PCID2: variants seen among roughly 807,000 people sequenced by gnomAD.
PCID2 encodes the protein PCI domain-containing protein 2.
Under a neutral mutation model 61.3 loss-of-function variants are expected in PCID2, and 41 were observed. That is an observed-to-expected ratio of 0.67 (90% CI 0.52 to 0.87). The LOEUF is 0.87. Ranked by LOEUF, PCID2 falls within the 40% of genes least tolerant of loss-of-function variation. The pLI, the probability that PCID2 is intolerant of heterozygous loss-of-function variation, is 0.00. For missense variants in PCID2, 392 were observed against 493.4 expected (o/e 0.79, Z 1.95); for synonymous variants, 187 against 177.8 (o/e 1.05, Z -0.41).
chr13:113,176,056 A>C (rs1262985028), downstream of PCID2, among the ~76,000 whole-genome samples: 1 of 152,274 alleles, frequency 6.6e-6, no homozygotes, highest in Non-Finnish European at 1.5e-5. Flanking sequence ...CTGCAGATGT[A>C]GGAGCGAGCT....
chr13:113,201,676 G>A (rs2138931402), intron 1 of PCID2, among the ~76,000 whole-genome samples: 1 of 152,074 alleles, frequency 6.6e-6, no homozygotes, highest in South Asian at 2.1e-4. Context: ...GCCGGGTGTG[G>A]TGGTGGGCAT....
the PCID2 span, chr13:113,171,462 C>A: frequency 9.1e-7 from 1 of 1,093,110 alleles, no homozygotes; most frequent in Non-Finnish European, 1.3e-6. This position sits in a 1 kb window ranked among gnomAD's most constrained non-coding sequence, Gnocchi z 5.1. Context: ...GTCCACACCA[C>A]GGGGCGGTGA....
rs1017612788 is a variant in PCID2 at position 113,179,822 on chromosome 13, C to T, written c.986+95G>A. 1.6e-5 allele frequency: 20 copies of T among 1,255,290 alleles called. No individual in the cohort carries two copies. In the East Asian group the frequency reaches 3.3e-4, roughly 21 times the overall value. The allele number at this position is 1,255,290 out of a possible 1,614,324, so 77.8% of individuals were successfully genotyped here. ...AAGGAAGATAACGACCCCACCCACA[C>T]GGTGGCCTTCTCTCTTAGACTGCAA... On this transcript the variant is annotated intron_variant, in intron 12 of 13. Coordinates refer to ENST00000337344, the MANE Select transcript of PCID2 (RefSeq NM_001127202.4). This position sits in a 1 kb window ranked among gnomAD's most constrained non-coding sequence, Gnocchi z 4.3.
chr13:113,184,524 A>C, intron 8 of PCID2, 37 bp from the exon 9 acceptor site: 1 of 1,306,162 alleles, frequency 7.7e-7, no homozygotes, highest in Non-Finnish European at 1.1e-6. Flanking sequence ...ATATTTAAAA[A>C]CAACAAAAAC....
chr13:113,178,507 G>C, intron 13 of PCID2: 1 of 476,588 alleles, frequency 2.1e-6, no homozygotes, highest in Non-Finnish European at 3.8e-6. Flanking sequence ...GAAAATATTT[G>C]GGGAAAAAAA....
At chr13:113,171,559 G>A in the PCID2 span, 38 of 1,613,572 alleles carry the variant, frequency 2.4e-5, 1 homozygote, top group South Asian at 3.3e-4. The surrounding 1 kb of genome is among the most constrained non-coding windows in gnomAD (Gnocchi z 5.1). Context: ...TTGAAAATCA[G>A]ACTGTAAAGA....
chr13:113,200,243 T>G (rs562661261), intron 2 of PCID2, among the ~76,000 whole-genome samples, 184 bp downstream of exon 2: 2 of 152,356 alleles, frequency 1.3e-5, no homozygotes, highest in South Asian at 2.1e-4. Context: ...ATCACCACAG[T>G]GTGCGTACAT....
the PCID2 span, chr13:113,165,987 T>C: frequency 6.6e-6 from 1 of 152,336 alleles, no homozygotes; most frequent in African/African-American, 2.4e-5. Flanking sequence ...CTTTTCTTGC[T>C]TTCTGTATAT....
the PCID2 span, among the ~76,000 whole-genome samples, chr13:113,170,065 G>A: frequency 2.6e-5 from 4 of 152,158 alleles, no homozygotes; most frequent in Non-Finnish European, 4.4e-5. Flanking sequence ...AGCTGAGACC[G>A]TTGTTTCTTG....
chr13:113,179,218 C>G lies in PCID2; in HGVS notation c.987-129G>C. The stretch of plus-strand genomic sequence containing the variant: ...AAAATTCCCACCTATTAGATAAACT[C>G]TAAACTACACTCTCAGAGCTATTAA... On this transcript the variant is annotated intron_variant, in intron 12 of 13. Coordinates refer to ENST00000337344, the MANE Select transcript of PCID2 (RefSeq NM_001127202.4). This position sits in a 1 kb window ranked among gnomAD's most constrained non-coding sequence, Gnocchi z 4.3. 2 of 612,202 alleles carry G rather than the reference C, an allele frequency of 3.3e-6. No individual in the cohort carries two copies. The highest frequency in any genetic ancestry group is 5.5e-6 in the Non-Finnish European group (2 of 363,464). The allele number at this position is 612,202 out of a possible 1,614,324, so 37.9% of individuals were successfully genotyped here.
downstream of PCID2, among the ~76,000 whole-genome samples, chr13:113,172,653 A>C (rs942068209): frequency 1.3e-5 from 2 of 152,208 alleles, no homozygotes; most frequent in Non-Finnish European, 2.9e-5. Context: ...GCATTAGAGG[A>C]AAGGGCCAGA....
intron 1 of PCID2, among the ~76,000 whole-genome samples, chr13:113,206,316 T>C (rs2039813136): frequency 6.6e-6 from 1 of 152,230 alleles, no homozygotes; most frequent in South Asian, 2.1e-4. Flanking sequence ...TCTTATTGTC[T>C]TTAAAGTCTA....
chr13:113,165,806 C>T, the PCID2 span, among the ~76,000 whole-genome samples: 4 of 152,216 alleles, frequency 2.6e-5, no homozygotes, highest in African/African-American at 2.4e-5. Flanking sequence ...GCTGGGATTA[C>T]AGGCGTGAGC....
the PCID2 span, chr13:113,165,143 C>T: frequency 6.2e-7 from 1 of 1,601,168 alleles, no homozygotes; most frequent in South Asian, 1.1e-5. Flanking sequence ...TCTCCGCGTG[C>T]TTCAATTTAT....
the PCID2 span, chr13:113,165,333 C>T: frequency 1.6e-6 from 1 of 642,502 alleles, no homozygotes; most frequent in African/African-American, 1.8e-5. Context: ...TTACAGCCCC[C>T]AAGACCTTTC....
rs781497538 is a variant in PCID2, at chr13:113,197,160, A to G, written c.266+18T>C. The G allele has an allele frequency of 6.2e-7, 1 of 1,614,192 alleles. No individual in the cohort carries two copies. The highest frequency in any genetic ancestry group is 8.5e-7 in the Non-Finnish European group (1 of 1,179,988). ...ATGTGTTCTATGCGGGACAGCTGCC[A>G]TGAACGACAAAGGATATTGGACTAT... On this transcript the variant is annotated intron_variant, in intron 4 of 13. Coordinates refer to ENST00000337344, the MANE Select transcript of PCID2 (RefSeq NM_001127202.4).
chr13:113,205,774 G>T (rs191662925), intron 1 of PCID2, among the ~76,000 whole-genome samples: 1 of 152,216 alleles, frequency 6.6e-6, no homozygotes, highest in Non-Finnish European at 1.5e-5. Flanking sequence ...AATCCATACA[G>T]ACAGAGAGCA....
chr13:113,173,002 T>C (rs1050069806), downstream of PCID2, among the ~76,000 whole-genome samples: 1 of 151,800 alleles, frequency 6.6e-6, no homozygotes, highest in African/African-American at 2.4e-5. Flanking sequence ...CCTTGGGAGG[T>C]GACTAGGCCA....
chr13:113,197,824 T>C (rs373648128), intron 3 of PCID2, among the ~76,000 whole-genome samples: 9 of 152,318 alleles, frequency 5.9e-5, no homozygotes, highest in African/African-American at 1.7e-4. Flanking sequence ...ACAGTAGATA[T>C]GAAGTGTACA....
Sources: allele counts gnomAD v4.1 joint callset (sites outside exome capture counted in the v4.1 genomes callset), GRCh38; gene constraint gnomAD v4.1.1; non-coding constraint Gnocchi (gnomAD v3.1); transcripts MANE v1.5; gene names NCBI Gene and HGNC (gene_info 2026-07-23, HGNC 2026-07-21).